VDAC1: variants seen among roughly 807,000 people sequenced by gnomAD.
VDAC1 encodes the protein non-selective voltage-gated ion channel VDAC1.
Under a neutral mutation model 34.7 loss-of-function variants are expected in VDAC1, and 10 were observed. That is an observed-to-expected ratio of 0.29 (90% CI 0.18 to 0.49). VDAC1 has a LOEUF of 0.49. Among genes scored for constraint, VDAC1 ranks in the 20% least tolerant of loss-of-function variants. VDAC1 has a pLI of 0.99. For synonymous variants in VDAC1, 130 were observed against 136.0 expected, an observed-to-expected ratio of 0.96 and a Z score of 0.30; for missense variants, 230 against 347.9, an observed-to-expected ratio of 0.66 and a Z score of 2.69.
chr5:134,041,666 C>T, the VDAC1 span, among the ~76,000 whole-genome samples: 1 of 152,192 alleles, frequency 6.6e-6, no homozygotes, highest in Non-Finnish European at 1.5e-5. Flanking sequence ...CAGGCCTTGC[C>T]TAACATCACA....
chr5:134,104,004 C>T, the VDAC1 span, among the ~76,000 whole-genome samples: 1 of 152,214 alleles, frequency 6.6e-6, no homozygotes, highest in Non-Finnish European at 1.5e-5. Context: ...CAGGCACCAG[C>T]CCCAGGGGCA....
In VDAC1 at chr5:133,993,736, T is replaced by G. The variant is rs78703370; in HGVS notation, c.-6-718A>C. On this transcript the variant is annotated intron_variant, in intron 1 of 8. Coordinates refer to ENST00000265333, the MANE Select transcript of VDAC1 (RefSeq NM_003374.3). The stretch of plus-strand genomic sequence containing the variant: ...TTTTTAAAACCAACCATCAAAGGAC[T>G]ACTTGGGATTGCTGCATATCACTAA... 3.4e-3 allele frequency among the ~76,000 whole-genome samples: 515 copies of G among 152,324 alleles called. 4 individuals carry two copies. Among genetic ancestry groups the G allele is most frequent in the East Asian group, 0.013 (66 of 5,182 alleles).
intron 5 of VDAC1, among the ~76,000 whole-genome samples, chr5:133,986,217 AG>A: frequency 6.6e-6 from 1 of 152,228 alleles, no homozygotes; most frequent in African/African-American, 2.4e-5. Flanking sequence ...GTCCTTATTG[AG>A]GTCTGTGGCC....
the VDAC1 span, among the ~76,000 whole-genome samples, chr5:134,081,162 C>T: frequency 6.6e-6 from 1 of 152,118 alleles, no homozygotes; most frequent in African/African-American, 2.4e-5. Flanking sequence ...CTCAGCCTCC[C>T]AAGTAGCTGG....
the VDAC1 span, among the ~76,000 whole-genome samples, chr5:134,056,900 C>G: frequency 6.6e-6 from 1 of 151,424 alleles, no homozygotes; most frequent in Admixed American, 6.6e-5. Flanking sequence ...AGGCTGGTCT[C>G]GAACTCCTGA....
the VDAC1 span, among the ~76,000 whole-genome samples, chr5:134,089,439 G>A: frequency 3.9e-5 from 6 of 152,164 alleles, no homozygotes; most frequent in South Asian, 1.2e-3. Context: ...CCATTTGAAG[G>A]AGCCTATAAC....
chr5:134,044,340 T>G, the VDAC1 span, among the ~76,000 whole-genome samples: 1 of 152,144 alleles, frequency 6.6e-6, no homozygotes, highest in Admixed American at 6.5e-5. Flanking sequence ...CAACGGCCCC[T>G]CCAACAGCAG....
intron 1 of VDAC1, among the ~76,000 whole-genome samples, chr5:134,000,117 GCACA>G (rs142880571): frequency 2.0e-5 from 3 of 151,826 alleles, no homozygotes; most frequent in Admixed American, 2.0e-4. Context: ...ATGCACGCAT[GCACA>G]CACACACACT....
the VDAC1 span, among the ~76,000 whole-genome samples, chr5:134,046,939 C>G: frequency 1.3e-5 from 2 of 152,160 alleles, no homozygotes; most frequent in South Asian, 2.1e-4. Context: ...TACAAGGAGC[C>G]TGTTTTGTGG....
intron 5 of VDAC1, 95 bp from the exon 6 acceptor site, chr5:133,981,051 G>T: frequency 9.2e-7 from 1 of 1,089,096 alleles, no homozygotes; most frequent in Non-Finnish European, 1.3e-6. Flanking sequence ...CAAATAAAGG[G>T]AGTGGGGTGG....
chr5:134,044,421 T>A, the VDAC1 span, among the ~76,000 whole-genome samples: 2 of 152,208 alleles, frequency 1.3e-5, no homozygotes, highest in Non-Finnish European at 2.9e-5. Flanking sequence ...CCTCCTCAGC[T>A]GCTGGGAGGC....
chr5:133,980,506 TCA>T (rs1752647857), intron 6 of VDAC1, among the ~76,000 whole-genome samples: 2 of 152,020 alleles, frequency 1.3e-5, no homozygotes, highest in Admixed American at 6.6e-5. Context: ...TATATACTGT[TCA>T]CAGAGTGGAA....
At chr5:134,010,264 T>C in the VDAC1 span, among the ~76,000 whole-genome samples, 3 of 152,080 alleles carry the variant, frequency 2.0e-5, no homozygotes, top group African/African-American at 7.2e-5. Flanking sequence ...CTTGGGCATA[T>C]TGAATCACTC....
the VDAC1 span, among the ~76,000 whole-genome samples, chr5:134,059,143 G>A: frequency 6.6e-6 from 1 of 152,172 alleles, no homozygotes; most frequent in Non-Finnish European, 1.5e-5. Flanking sequence ...GGGTGGCAAC[G>A]CTGGCAAGGA....
the VDAC1 span, among the ~76,000 whole-genome samples, chr5:134,031,942 C>A: frequency 4.2e-5 from 6 of 142,942 alleles, no homozygotes; most frequent in African/African-American, 1.6e-4. Flanking sequence ...CAGAGCGAGA[C>A]CCCATCTCAA....
the VDAC1 span, chr5:134,082,004 T>C: frequency 1.2e-4 from 19 of 164,404 alleles, 2 homozygotes; most frequent in East Asian, 3.5e-3. Context: ...ATTCCAACCA[T>C]GTTGGCCAAA....
chr5:134,014,457 G>A, the VDAC1 span, among the ~76,000 whole-genome samples: 1 of 152,228 alleles, frequency 6.6e-6, no homozygotes, highest in Non-Finnish European at 1.5e-5. Context: ...AAAGGCTGCA[G>A]AGAAAAGAGG....
the VDAC1 span, among the ~76,000 whole-genome samples, chr5:134,056,612 C>T: frequency 3.0e-4 from 45 of 151,986 alleles, no homozygotes; most frequent in Non-Finnish European, 5.4e-4. Context: ...CCCCAGTGAA[C>T]ATTCTTGAAC....
intron 5 of VDAC1, among the ~76,000 whole-genome samples, chr5:133,981,241 T>C (rs1752685893): frequency 6.6e-6 from 1 of 152,190 alleles, no homozygotes; most frequent in East Asian, 1.9e-4. Context: ...CCTCTTTGTA[T>C]GCTTAACGTA....
Sources: gnomAD v4.1 joint callset for allele counts (sites outside exome capture counted in the v4.1 genomes callset) on GRCh38, gnomAD v4.1.1 for gene constraint, MANE v1.5 for transcripts, NCBI Gene and HGNC (gene_info 2026-07-23, HGNC 2026-07-21) for gene names.